Variants in SPIDR observed in about 807,000 individuals in gnomAD.
The protein encoded by SPIDR is scaffold protein involved in DNA repair, also known as DNA repair-scaffolding protein.
Under a neutral mutation model 104.6 loss-of-function variants are expected in SPIDR, and 93 were observed. That is an observed-to-expected ratio of 0.89 (90% CI 0.75 to 1.06). SPIDR has a LOEUF of 1.06. Among genes scored for constraint, SPIDR ranks in the 50% least tolerant of loss-of-function variants. The pLI, the probability that SPIDR is intolerant of heterozygous loss-of-function variation, is 0.00. For missense variants in SPIDR, 1,154 were observed against 1,111.2 expected (o/e 1.04, Z -0.55); for synonymous variants, 431 against 416.9 (o/e 1.03, Z -0.41).
At chr8:47,432,755 G>C (rs781797294) in intron 7 of SPIDR, among the ~76,000 whole-genome samples, 1 of 152,120 alleles carries the variant, frequency 6.6e-6, no homozygotes, top group Non-Finnish European at 1.5e-5. Context: ...AGGAAGCTAC[G>C]GGATTTGAGG....
chr8:47,554,140 A>G (rs1263928178), intron 8 of SPIDR, among the ~76,000 whole-genome samples: 1 of 151,928 alleles, frequency 6.6e-6, no homozygotes, highest in Non-Finnish European at 1.5e-5. Context: ...ACCTGGCTAT[A>G]TGAGGTTTCA....
intron 5 of SPIDR, among the ~76,000 whole-genome samples, chr8:47,351,881 G>A (rs1209435452): frequency 2.0e-5 from 3 of 152,160 alleles, no homozygotes; most frequent in East Asian, 3.9e-4. Context: ...TCATCGGAGT[G>A]AGCAGGTCCT....
At chr8:47,647,613 C>CAGAGAGA (rs1554540025) in intron 10 of SPIDR, among the ~76,000 whole-genome samples, 1 of 20,456 alleles carries the variant, frequency 4.9e-5, no homozygotes, top group Non-Finnish European at 1.4e-4. Context: ...GACTCCATCT[C>CAGAGAGA]GAAAGAGAGA....
intron 10 of SPIDR, among the ~76,000 whole-genome samples, chr8:47,600,745 GAC>G (rs1473097084): frequency 6.6e-6 from 1 of 152,082 alleles, no homozygotes; most frequent in Non-Finnish European, 1.5e-5. Flanking sequence ...CCTTTTTAAT[GAC>G]ACATATCCAG....
chr8:47,363,442 T>C (rs1554631830), intron 5 of SPIDR, among the ~76,000 whole-genome samples: 5 of 149,110 alleles, frequency 3.4e-5, no homozygotes, highest in Non-Finnish European at 1.5e-5. Context: ...TCCTGACCTC[T>C]AGATCCACCC....
chr8:47,509,878 AC>A (rs2082046355), intron 8 of SPIDR, among the ~76,000 whole-genome samples: 1 of 152,028 alleles, frequency 6.6e-6, no homozygotes, highest in East Asian at 1.9e-4. Flanking sequence ...TGACACACAC[AC>A]CACACATCAC....
At chr8:47,679,380 C>T (rs2076823050) in intron 11 of SPIDR, among the ~76,000 whole-genome samples, 1 of 152,042 alleles carries the variant, frequency 6.6e-6, no homozygotes, top group Non-Finnish European at 1.5e-5. Flanking sequence ...TTCCCCATCC[C>T]CTCCAGTGCT....
chr8:47,454,114 A>G (rs1258088876), intron 8 of SPIDR, among the ~76,000 whole-genome samples: 3 of 152,230 alleles, frequency 2.0e-5, no homozygotes, highest in Non-Finnish European at 4.4e-5. Flanking sequence ...TGACCCAGCC[A>G]TCCCATTACT....
chr8:47,359,606 C>G (rs2055314750), intron 5 of SPIDR, among the ~76,000 whole-genome samples: 2 of 152,160 alleles, frequency 1.3e-5, no homozygotes, highest in Admixed American at 1.3e-4. Context: ...AATCAATTAA[C>G]TACAGGTAGA....
At chr8:47,625,874 T>C (rs1466014147) in intron 10 of SPIDR, among the ~76,000 whole-genome samples, 2 of 152,114 alleles carry the variant, frequency 1.3e-5, no homozygotes, top group African/African-American at 4.8e-5. Context: ...CTTCACAGAA[T>C]TGGAAAAAAC....
At chr8:47,350,599 C>T (rs1278848307) in intron 5 of SPIDR, among the ~76,000 whole-genome samples, 1 of 152,194 alleles carries the variant, frequency 6.6e-6, no homozygotes, top group Middle Eastern at 3.2e-3. Flanking sequence ...CAGGCGTGTG[C>T]CACTGTGCCT....
chr8:47,328,545 G>T (rs782538613), intron 5 of SPIDR, among the ~76,000 whole-genome samples: 3 of 151,824 alleles, frequency 2.0e-5, no homozygotes, highest in Non-Finnish European at 4.4e-5. Flanking sequence ...GAGCCACCAC[G>T]TTGGGTACCA....
intron 16 of SPIDR, among the ~76,000 whole-genome samples, chr8:47,721,727 G>T (rs1166866563): frequency 6.6e-6 from 1 of 151,966 alleles, no homozygotes; most frequent in Non-Finnish European, 1.5e-5. Context: ...CACCCACTTT[G>T]GCCTCCCAAA....
Position 47,659,337 on chromosome 8 carries a change from C to T in SPIDR, c.1545-14464C>T, listed in dbSNP as rs541239641. Among the ~76,000 whole-genome samples, 161 of 152,252 alleles carry T rather than the reference C, an allele frequency of 1.1e-3. 1 individual carries two copies. Among genetic ancestry groups the T allele is most frequent in the African/African-American group, 3.3e-3 (136 of 41,546 alleles). On this transcript the variant is annotated intron_variant, in intron 10 of 19. Coordinates refer to ENST00000297423, the MANE Select transcript of SPIDR (RefSeq NM_001080394.4). ...AGCAAAGTAAGATTGTTATTCCTTT[C>T]GGTTCATTGATATTTAAAAGTTTAC... is the stretch of plus-strand genomic sequence containing the variant.
At chr8:47,409,291 C>A (rs1554669578) in intron 7 of SPIDR, among the ~76,000 whole-genome samples, 1 of 151,656 alleles carries the variant, frequency 6.6e-6, no homozygotes, top group Admixed American at 6.6e-5. Context: ...TCATATAGGT[C>A]TCAGAAATTA....
At chr8:47,401,976 T>A (rs1038404569) in intron 6 of SPIDR, among the ~76,000 whole-genome samples, 4 of 152,100 alleles carry the variant, frequency 2.6e-5, no homozygotes, top group African/African-American at 7.2e-5. Flanking sequence ...GCTCTGCACC[T>A]AGCAGACCTA....
chr8:47,590,271 T>G (rs904296182), intron 8 of SPIDR, among the ~76,000 whole-genome samples: 10 of 152,160 alleles, frequency 6.6e-5, no homozygotes, highest in Non-Finnish European at 1.2e-4. Context: ...ATTATTGATT[T>G]GAGACTTTTT....
chr8:47,400,694 T>G, intron 6 of SPIDR, among the ~76,000 whole-genome samples: 1 of 131,350 alleles, frequency 7.6e-6, no homozygotes, highest in Non-Finnish European at 1.7e-5. Context: ...TTTTTTTTTT[T>G]AAATTTGTGG....
At chr8:47,507,185 T>G (rs973500078) in intron 8 of SPIDR, among the ~76,000 whole-genome samples, 2 of 152,222 alleles carry the variant, frequency 1.3e-5, no homozygotes, top group Non-Finnish European at 2.9e-5. Flanking sequence ...CTTCCTCCTT[T>G]GTCTGTGCTG....
Sources: allele counts gnomAD v4.1 joint callset (sites outside exome capture counted in the v4.1 genomes callset), GRCh38; gene constraint gnomAD v4.1.1; transcripts MANE v1.5; gene names NCBI Gene and HGNC (gene_info 2026-07-23, HGNC 2026-07-21).